The following PBRM1 variants were observed in gnomAD, a reference collection of about 807,000 sequenced individuals.
The protein encoded by PBRM1 is protein polybromo-1.
In PBRM1, 27 loss-of-function variants were observed where a neutral mutation model predicts 194.5. That is an observed-to-expected ratio of 0.14 (90% CI 0.10 to 0.19). The LOEUF is 0.19. Ranked by LOEUF, PBRM1 falls within the 10% of genes least tolerant of loss-of-function variation. PBRM1 has a pLI of 1.00. For missense variants in PBRM1, 1,466 were observed against 2,077.2 expected, an observed-to-expected ratio of 0.71 and a Z score of 5.72; for synonymous variants, 655 against 693.2, an observed-to-expected ratio of 0.94 and a Z score of 0.87.
chr3:52,646,259 C>T (rs559382035), intron 7 of PBRM1, among the ~76,000 whole-genome samples: 6 of 152,280 alleles, frequency 3.9e-5, no homozygotes. Flanking sequence ...GTATTTGAGT[C>T]AGCATTCAGA....
At chr3:52,592,346 G>A (rs1308427503) in intron 17 of PBRM1, among the ~76,000 whole-genome samples, 1 of 152,014 alleles carries the variant, frequency 6.6e-6, no homozygotes, top group African/African-American at 2.4e-5. Flanking sequence ...TGGTCAGGCT[G>A]GTCTCGAACT....
intron 4 of PBRM1, among the ~76,000 whole-genome samples, chr3:52,661,129 G>A (rs151028957): frequency 0.014 from 2,181 of 152,156 alleles, 26 homozygotes; most frequent in Non-Finnish European, 0.024. Context: ...GGGTTCAAGC[G>A]ATTATCCTGC....
exon 30 of PBRM1, chr3:52,548,012 A>G (rs1281309615): frequency 1.3e-6 from 2 of 1,506,708 alleles, no homozygotes; most frequent in East Asian, 4.7e-5. Flanking sequence ...TAAAATGGCT[A>G]CTGATCCACA....
chr3:52,579,311 T>C (rs2153688982), intron 20 of PBRM1, 112 bp from the exon 23 acceptor site: 1 of 986,084 alleles, frequency 1.0e-6, no homozygotes. Flanking sequence ...AAAACCACCA[T>C]TGGTTACGTG....
chr3:52,626,624 T>C (rs1203989157), intron 13 of PBRM1, among the ~76,000 whole-genome samples: 1 of 152,116 alleles, frequency 6.6e-6, no homozygotes, highest in Admixed American at 6.5e-5. Context: ...AGAGATAATA[T>C]TGCAAAATTC....
At chr3:52,648,244 G>A (rs2096385325) in intron 7 of PBRM1, 100 bp downstream of exon 8, 1 of 703,578 alleles carries the variant, frequency 1.4e-6, no homozygotes, top group Admixed American at 2.5e-5. Flanking sequence ...TCCATGGTAT[G>A]TGAATTATAT....
chr3:52,650,152 C>G (rs1281953971), intron 6 of PBRM1, among the ~76,000 whole-genome samples: 3 of 151,892 alleles, frequency 2.0e-5, no homozygotes, highest in African/African-American at 7.3e-5. Context: ...CACTTGAAGT[C>G]AGGAGTTCGA....
chr3:52,570,511 A>T (rs2086705606), intron 22 of PBRM1, among the ~76,000 whole-genome samples: 1 of 152,230 alleles, frequency 6.6e-6, no homozygotes, highest in African/African-American at 2.4e-5. Flanking sequence ...AGACATTAGG[A>T]AAAAATAATA....
chr3:52,612,593 T>C (rs1323623010), intron 15 of PBRM1, among the ~76,000 whole-genome samples: 2 of 152,104 alleles, frequency 1.3e-5, no homozygotes, highest in African/African-American at 4.8e-5. Flanking sequence ...GAGACTGCTC[T>C]AGATCATGGG....
intron 7 of PBRM1, among the ~76,000 whole-genome samples, chr3:52,647,411 C>T (rs1180235473): frequency 8.8e-6 from 1 of 113,260 alleles, no homozygotes; most frequent in African/African-American, 3.5e-5. Context: ...AATTCCATTC[C>T]TAGGTATGTA....
chr3:52,559,147 G>C (rs932528664), intron 25 of PBRM1, among the ~76,000 whole-genome samples: 5 of 152,182 alleles, frequency 3.3e-5, no homozygotes, highest in African/African-American at 1.2e-4. Context: ...CAGGTTTCCT[G>C]AAGCTGAGCA....
At chr3:52,597,129 A>C (rs1488190176) in intron 17 of PBRM1, among the ~76,000 whole-genome samples, 1 of 152,134 alleles carries the variant, frequency 6.6e-6, no homozygotes, top group African/African-American at 2.4e-5. Flanking sequence ...TAACTCCCGC[A>C]AGCACAAAGA....
chr3:52,613,149 G>A (rs1289418581), intron 15 of PBRM1, among the ~76,000 whole-genome samples: 2 of 151,744 alleles, frequency 1.3e-5, no homozygotes, highest in Admixed American at 1.3e-4. Context: ...TATCCTCAAA[G>A]ACAAAGTGGC....
chr3:52,653,589 C>CA lies in PBRM1; in HGVS notation c.646-1780dup, dbSNP rs71087003. Among the ~76,000 whole-genome samples the CA allele has an allele frequency of 1.2e-3, 142 of 120,638 alleles. 1 individual carries two copies. Among genetic ancestry groups the CA allele is most frequent in the South Asian group, 6.6e-3 (23 of 3,494 alleles). 79.1% of individuals were successfully genotyped at this position (120,638 alleles called of 152,430 possible). ...GGGCAAGAAGAGCAGAATTCTGTCTCAAAAAAAAAAAAAAGAAAGAAAGAA... is the reference window on the plus strand; with the variant it reads ...GGGCAAGAAGAGCAGAATTCTGTCTCAAAAAAAAAAAAAAAGAAAGAAAGAA... On this transcript the variant is annotated intron_variant, in intron 5 of 29. Transcript: ENST00000296302.
At position 52,609,689 on chromosome 3, in the gene PBRM1, T is replaced by C. The variant is rs1233447219; in HGVS notation, c.2191A>G (p.Met731Val). 1.2e-6 allele frequency: 2 copies of C among 1,613,628 alleles called. No individual in the cohort carries two copies. Among genetic ancestry groups the C allele is most frequent in the Admixed American group, 3.3e-5 (2 of 59,896 alleles). Residue 731 changes from methionine (M) to valine (V), a missense_variant, in exon 16 of 30, where the codon ATG becomes GTG. Around this residue, in one of 5 missense-constraint regions of PBRM1, gnomAD observed 687 missense variants for 946.2 expected, o/e 0.73. Transcript: ENST00000296302. This position sits in a 1 kb window ranked among gnomAD's most constrained non-coding sequence, Gnocchi z 4.1. The stretch of plus-strand genomic sequence containing the variant: ...TTGTATGTACAGGCATTATTAAACA[T>C]CATGACAAAGTCCTCAACCATAGAG...
In PBRM1 at chr3:52,625,062, A is replaced by G. The variant is rs970613090; in HGVS notation, c.1541+2211T>C. On this transcript the variant is annotated intron_variant, in intron 13 of 29. Transcript: ENST00000296302. ...TATTCAGTCCAAAGTACCAAAGACA[A>G]TATTTGAAACATTTCAACAAGGAAG... is the stretch of plus-strand genomic sequence containing the variant. 18 of 724,084 alleles carry G rather than the reference A, an allele frequency of 2.5e-5. No individual in the cohort carries two copies. In the African/African-American group the frequency reaches 2.8e-4, roughly 11 times the overall value. 44.9% of individuals were successfully genotyped at this position (724,084 alleles called of 1,614,324 possible).
At chr3:52,628,737 G>T (rs2095524435) in intron 12 of PBRM1, among the ~76,000 whole-genome samples, 157 bp downstream of exon 13, 1 of 152,084 alleles carries the variant, frequency 6.6e-6, no homozygotes. Context: ...CTCCCAAAGT[G>T]CTGGGATTAC....
At chr3:52,580,625 G>C (rs1261896996) in intron 20 of PBRM1, among the ~76,000 whole-genome samples, 1 of 152,170 alleles carries the variant, frequency 6.6e-6, no homozygotes, top group African/African-American at 2.4e-5. Flanking sequence ...GCCTCCCAAA[G>C]TGCGGGGATT....
At chr3:52,565,224 G>A (rs1474453428) in intron 22 of PBRM1, among the ~76,000 whole-genome samples, 1 of 150,648 alleles carries the variant, frequency 6.6e-6, no homozygotes, top group Non-Finnish European at 1.5e-5. Context: ...ATTCAAAATG[G>A]GCTGGGTGCA....
Sources: gnomAD v4.1 joint callset for allele counts (sites outside exome capture counted in the v4.1 genomes callset) on GRCh38, gnomAD v4.1.1 for gene constraint, gnomAD v4.1.1 regional missense constraint, Gnocchi (gnomAD v3.1) non-coding constraint, MANE v1.5 for transcripts, NCBI Gene and HGNC (gene_info 2026-07-23, HGNC 2026-07-21) for gene names.